ZNF423: variants seen among roughly 807,000 people sequenced by gnomAD.
ZNF423 encodes zinc finger protein 423, also known as Ebf-associated zinc finger protein.
Under a neutral mutation model 95.8 loss-of-function variants are expected in ZNF423, and 12 were observed. The ratio of observed to expected loss-of-function variants is 0.13; its 90% confidence interval spans 0.08 to 0.20. ZNF423 has a LOEUF of 0.20. ZNF423 is among the 10% of genes least tolerant of loss of function. The probability of loss-of-function intolerance (pLI) is 1.00; values close to 1 mark genes in which losing one functional copy is unlikely to be tolerated. For missense variants in ZNF423, 1,316 were observed against 1,737.1 expected, an observed-to-expected ratio of 0.76 and a Z score of 4.31; for synonymous variants, 749 against 711.9, an observed-to-expected ratio of 1.05 and a Z score of -0.83.
intron 3 of ZNF423, among the ~76,000 whole-genome samples, chr16:49,696,549 G>C (rs1007888090): frequency 1.3e-5 from 2 of 152,168 alleles, no homozygotes; most frequent in East Asian, 3.9e-4. Flanking sequence ...AGGCCCGCCA[G>C]GCCTGGCTGG....
chr16:49,729,443 TCCCTTTG>T, intron 3 of ZNF423, among the ~76,000 whole-genome samples: 1 of 152,114 alleles, frequency 6.6e-6, no homozygotes, highest in African/African-American at 2.4e-5. Context: ...CACCTTTTCC[TCCCTTTG>T]CCCTAGTATT....
At chr16:49,745,997 G>A (rs1357575434) in intron 2 of ZNF423, among the ~76,000 whole-genome samples, 1 of 152,090 alleles carries the variant, frequency 6.6e-6, no homozygotes, top group African/African-American at 2.4e-5. Context: ...CCTAAAATGA[G>A]GACAGGTGCA....
intron 4 of ZNF423, among the ~76,000 whole-genome samples, chr16:49,634,204 C>CTTTTTTT (rs528621494): frequency 8.8e-6 from 1 of 114,250 alleles, no homozygotes; most frequent in Admixed American, 9.3e-5. Context: ...CCACACCTGG[C>CTTTTTTT]TTTTTTTTTT....
chr16:49,581,354 G>C (rs868174066), intron 5 of ZNF423, among the ~76,000 whole-genome samples: 1 of 152,066 alleles, frequency 6.6e-6, no homozygotes, highest in Non-Finnish European at 1.5e-5. Flanking sequence ...TCGTCAGTAG[G>C]GATTATCATT....
chr16:49,804,685 G>A (rs571312641), intron 1 of ZNF423, among the ~76,000 whole-genome samples: 1 of 152,274 alleles, frequency 6.6e-6, no homozygotes, highest in East Asian at 1.9e-4. Flanking sequence ...ACCTGCAGCA[G>A]GGTGTAATTG....
intron 2 of ZNF423, among the ~76,000 whole-genome samples, chr16:49,731,707 T>C (rs2033173218): frequency 1.3e-5 from 2 of 152,138 alleles, no homozygotes; most frequent in Non-Finnish European, 1.5e-5. Flanking sequence ...CCTGTAGTTC[T>C]ACCTACTCAG....
chr16:49,528,626 C>T (rs993852748), intron 5 of ZNF423, among the ~76,000 whole-genome samples: 2 of 152,102 alleles, frequency 1.3e-5, no homozygotes, highest in Non-Finnish European at 2.9e-5. Flanking sequence ...AGCTGGGACT[C>T]GCTCCCACTC....
At chr16:49,779,986 G>A (rs1002860508) in intron 2 of ZNF423, among the ~76,000 whole-genome samples, 2 of 152,166 alleles carry the variant, frequency 1.3e-5, no homozygotes, top group South Asian at 2.1e-4. Flanking sequence ...CCAGGGACAC[G>A]AGACAAATGA....
intron 3 of ZNF423, among the ~76,000 whole-genome samples, chr16:49,677,287 A>AAGGGAAGG: frequency 2.2e-4 from 18 of 82,384 alleles, no homozygotes; most frequent in South Asian, 6.7e-4. Context: ...AGAAGAGAAG[A>AAGGGAAGG]GAAGAGAAGA....
At chr16:49,564,092 A>G (rs1970103905) in intron 5 of ZNF423, among the ~76,000 whole-genome samples, 1 of 152,240 alleles carries the variant, frequency 6.6e-6, no homozygotes, top group Non-Finnish European at 1.5e-5. Flanking sequence ...GATGGACTGC[A>G]CAGTAGCCTG....
At chr16:49,644,108 GA>G (rs1315556390) in intron 3 of ZNF423, among the ~76,000 whole-genome samples, 2 of 152,214 alleles carry the variant, frequency 1.3e-5, no homozygotes, top group Non-Finnish European at 2.9e-5. Flanking sequence ...AGATGCTGGA[GA>G]AGGTGCTCGG....
chr16:49,694,120 G>C (rs2031886424), intron 3 of ZNF423, among the ~76,000 whole-genome samples: 1 of 152,178 alleles, frequency 6.6e-6, no homozygotes, highest in Non-Finnish European at 1.5e-5. Flanking sequence ...CATTTCTATG[G>C]ACCCCTATTA....
chr16:49,753,675 G>A (rs1390946465), intron 2 of ZNF423, among the ~76,000 whole-genome samples: 1 of 152,092 alleles, frequency 6.6e-6, no homozygotes, highest in Non-Finnish European at 1.5e-5. Flanking sequence ...TTCAGCTCTG[G>A]CTATCAAAAA....
At chr16:49,748,758 G>C (rs907308893) in intron 2 of ZNF423, among the ~76,000 whole-genome samples, 36 of 152,140 alleles carry the variant, frequency 2.4e-4, no homozygotes, top group Admixed American at 3.3e-4. Flanking sequence ...ACCCACCTGT[G>C]ACCCCCTGCC....
At chr16:49,666,473 G>C (rs1330226946) in intron 3 of ZNF423, among the ~76,000 whole-genome samples, 1 of 152,192 alleles carries the variant, frequency 6.6e-6, no homozygotes, top group Non-Finnish European at 1.5e-5. Context: ...GTAGTTATAA[G>C]TGAACAGTTA....
chr16:49,531,834 C>T (rs1248135192), intron 5 of ZNF423, among the ~76,000 whole-genome samples: 1 of 152,024 alleles, frequency 6.6e-6, no homozygotes, highest in Non-Finnish European at 1.5e-5. Context: ...TCTGGCAGCC[C>T]ACGGGAACCC....
chr16:49,647,131 T>A (rs1192592566), intron 3 of ZNF423, among the ~76,000 whole-genome samples: 1 of 152,192 alleles, frequency 6.6e-6, no homozygotes, highest in Non-Finnish European at 1.5e-5. Context: ...ACCTGCTCCC[T>A]CTTTCTTGAG....
chr16:49,849,570 A>G (rs1278226814), intron 1 of ZNF423, among the ~76,000 whole-genome samples: 1 of 152,122 alleles, frequency 6.6e-6, no homozygotes, highest in East Asian at 1.9e-4. Flanking sequence ...GGAGATAATG[A>G]TGTGGTTGCC....
At chr16:49,810,089 G>A (rs986441836) in intron 1 of ZNF423, among the ~76,000 whole-genome samples, 1 of 152,100 alleles carries the variant, frequency 6.6e-6, no homozygotes, top group African/African-American at 2.4e-5. Flanking sequence ...TCCACCCTTG[G>A]GAAGACAAAC....
Sources: allele counts gnomAD v4.1 joint callset (sites outside exome capture counted in the v4.1 genomes callset), GRCh38; gene constraint gnomAD v4.1.1; transcripts MANE v1.5; gene names NCBI Gene and HGNC (gene_info 2026-07-23, HGNC 2026-07-21).